RASA1: variants seen among roughly 807,000 people sequenced by gnomAD.
RASA1 encodes the protein RAS p21 protein activator 1.
In RASA1, 25 loss-of-function variants were observed where a neutral mutation model predicts 132.2. The observed-to-expected ratio is 0.19, with a 90% CI of 0.14 to 0.26. RASA1 has a LOEUF of 0.26. Ranked by LOEUF, RASA1 falls within the 10% of genes least tolerant of loss-of-function variation. RASA1 has a pLI of 1.00. For missense variants in RASA1, 964 were observed against 1,299.2 expected (o/e 0.74, Z 3.97); for synonymous variants, 477 against 449.9 (o/e 1.06, Z -0.76).
Position 87,390,898 on chromosome 5 carries a change from G to A in RASA1, c.*15G>A. The A allele has an allele frequency of 6.3e-7, 1 of 1,594,616 alleles. No individual in the cohort carries two copies. The highest frequency in any genetic ancestry group is 1.3e-5 in the African/African-American group (1 of 74,568). Reference sequence around the variant, plus strand: ...ATGTCAGGTAGCAGCCTTCGCCCCAGTGTTCTGCATGGATTCAGCATGTCC... The same window carrying A: ...ATGTCAGGTAGCAGCCTTCGCCCCAATGTTCTGCATGGATTCAGCATGTCC... On this transcript the variant is annotated 3_prime_UTR_variant, in exon 25 of 25. Coordinates refer to ENST00000274376, the MANE Select transcript of RASA1 (RefSeq NM_002890.3).
chr5:87,328,442 T>C (rs773231354), intron 1 of RASA1, among the ~76,000 whole-genome samples: 9 of 152,222 alleles, frequency 5.9e-5, no homozygotes, highest in Non-Finnish European at 1.3e-4. Flanking sequence ...TGTTTTCTTG[T>C]ATTTCTTTGT....
intron 21 of RASA1, 131 bp from the exon 22 acceptor site, chr5:87,385,170 A>G (rs1761982562): frequency 1.4e-6 from 1 of 702,198 alleles, no homozygotes; most frequent in Admixed American, 2.4e-5. Context: ...TTCCAAAAAC[A>G]TTCTGAGTTC....
intron 1 of RASA1, among the ~76,000 whole-genome samples, chr5:87,308,442 T>G (rs1755723256): frequency 6.6e-6 from 1 of 152,112 alleles, no homozygotes; most frequent in African/African-American, 2.4e-5. Flanking sequence ...TTGTGTTTTA[T>G]TTGTCTTTTC....
rs1362800137 is a variant in RASA1 at position 87,369,793 on chromosome 5, T to A, written c.1611-20T>A. 3 of 1,574,618 alleles carry A rather than the reference T, an allele frequency of 1.9e-6. No individual in the cohort carries two copies. In the South Asian group the frequency reaches 3.3e-5, roughly 18 times the overall value. ...TACTTTTTATTAAGCTTCCTAATAA[T>A]TTTTGTTTTTATTTTAAAGGCCAAA... On this transcript the variant is annotated intron_variant, in intron 11 of 24. Transcript: ENST00000274376.
intron 1 of RASA1, among the ~76,000 whole-genome samples, chr5:87,283,155 T>C (rs1754396278): frequency 6.6e-6 from 1 of 151,236 alleles, no homozygotes; most frequent in Non-Finnish European, 1.5e-5. Context: ...TGTGTTTTTT[T>C]TTTTTTTGGT....
At chr5:87,360,129 T>G (rs1226140795) in intron 9 of RASA1, among the ~76,000 whole-genome samples, 36 of 151,698 alleles carry the variant, frequency 2.4e-4, no homozygotes, top group African/African-American at 5.6e-4. Flanking sequence ...ATGCAGTTTT[T>G]TTTTTTTTTT....
At position 87,269,169 on chromosome 5, in the gene RASA1, C is replaced by A. The variant is rs886901444; in HGVS notation, c.539+179C>A. 3.7e-6 allele frequency: 6 copies of A among 1,610,896 alleles called. No homozygotes were observed. The African/African-American group carries it at 8.0e-5, about 22-fold the overall frequency. On this transcript the variant is annotated intron_variant, in intron 1 of 24. Transcript: ENST00000274376. ...ACTTATCTTCCTTACAGGCATACTA[C>A]CTGGCGTCTTCCTACATTTATTGCT... is the stretch of plus-strand genomic sequence containing the variant.
rs1761386809 is a variant in RASA1 at position 87,377,208 on chromosome 5, T to C, written c.2344+168T>C. 9.6e-6 allele frequency: 8 copies of C among 835,826 alleles called. No homozygotes were observed. In the South Asian group the frequency reaches 1.1e-4, roughly 12 times the overall value. 51.8% of individuals were successfully genotyped at this position (835,826 alleles called of 1,614,324 possible). On this transcript the variant is annotated intron_variant, in intron 17 of 24. Coordinates refer to ENST00000274376, the MANE Select transcript of RASA1 (RefSeq NM_002890.3). ...CAGTTGGATGTCAGTTCTGATTATG[T>C]TGGTTACTATGGGAAGCTGATATTT...
At chr5:87,373,490 G>T (rs556443717) in intron 13 of RASA1, among the ~76,000 whole-genome samples, 2 of 152,174 alleles carry the variant, frequency 1.3e-5, no homozygotes, top group African/African-American at 2.4e-5. Flanking sequence ...TAACTAGTTT[G>T]TAATACTTAT....
At chr5:87,390,114 G>C (rs1762390041) in intron 24 of RASA1, among the ~76,000 whole-genome samples, 1 of 152,192 alleles carries the variant, frequency 6.6e-6, no homozygotes, top group African/African-American at 2.4e-5. Context: ...AACAGATACA[G>C]ATAAGGATGT....
intron 1 of RASA1, among the ~76,000 whole-genome samples, chr5:87,309,465 A>T (rs971338061): frequency 1.3e-5 from 2 of 152,066 alleles, no homozygotes; most frequent in Non-Finnish European, 2.9e-5. Flanking sequence ...TAATACACAC[A>T]GTGTGTTTGT....
At chr5:87,297,970 T>C (rs1755195384) in intron 1 of RASA1, among the ~76,000 whole-genome samples, 1 of 152,178 alleles carries the variant, frequency 6.6e-6, no homozygotes, top group African/African-American at 2.4e-5. Flanking sequence ...TCTATCTGCC[T>C]ACCTGTCTCT....
intron 6 of RASA1, among the ~76,000 whole-genome samples, chr5:87,344,533 A>T (rs950755652): frequency 6.6e-6 from 1 of 151,876 alleles, no homozygotes; most frequent in East Asian, 1.9e-4. Context: ...TGTTTTAGAG[A>T]TAGGTTCTTG....
intron 11 of RASA1, chr5:87,366,399 A>G: frequency 4.9e-6 from 2 of 411,670 alleles, no homozygotes; most frequent in Non-Finnish European, 9.9e-6. Context: ...AAAGGTCCAC[A>G]TTACACTTGA....
At chr5:87,271,683 A>G (rs1041728548) in intron 1 of RASA1, among the ~76,000 whole-genome samples, 8 of 151,760 alleles carry the variant, frequency 5.3e-5, no homozygotes, top group South Asian at 2.1e-4. Flanking sequence ...GGGTTTTGCC[A>G]TGTTGGCCAG....
chr5:87,362,763 G>A (rs2112458031), intron 10 of RASA1, 92 bp downstream of exon 10: 1 of 1,445,754 alleles, frequency 6.9e-7, no homozygotes, highest in Non-Finnish European at 9.6e-7. Context: ...AATAAGTTTT[G>A]ACATGAGTTA....
intron 1 of RASA1, among the ~76,000 whole-genome samples, chr5:87,271,565 TC>T (rs1352250547): frequency 7.8e-6 from 1 of 128,228 alleles, no homozygotes; most frequent in Admixed American, 9.4e-5. Flanking sequence ...GCCCCGCCCC[TC>T]CCCGCCTTCA....
At chr5:87,350,548 T>C (rs947604735) in intron 8 of RASA1, among the ~76,000 whole-genome samples, 2 of 151,736 alleles carry the variant, frequency 1.3e-5, no homozygotes, top group Non-Finnish European at 3.0e-5. Flanking sequence ...AACTTCCTTA[T>C]GATACATCAC....
intron 10 of RASA1, among the ~76,000 whole-genome samples, 165 bp downstream of exon 10, chr5:87,362,836 A>C (rs750953076): frequency 5.3e-5 from 8 of 151,776 alleles, no homozygotes; most frequent in Non-Finnish European, 1.0e-4. Context: ...GAGTGTAGGT[A>C]TATTAAAAGT....
Sources: allele counts gnomAD v4.1 joint callset (sites outside exome capture counted in the v4.1 genomes callset), GRCh38; gene constraint gnomAD v4.1.1; transcripts MANE v1.5; gene names NCBI Gene and HGNC (gene_info 2026-07-23, HGNC 2026-07-21).